Variants in MAN1A1 observed in about 807,000 individuals in gnomAD.
MAN1A1 encodes mannosyl-oligosaccharide 1,2-alpha-mannosidase IA.
In MAN1A1, 29 loss-of-function variants were observed where a neutral mutation model predicts 70.8. The observed-to-expected ratio is 0.41, with a 90% confidence interval of 0.31 to 0.56. The LOEUF (loss-of-function observed/expected upper bound fraction) is 0.56, where lower values mean the gene tolerates loss of function less well. Among genes scored for constraint, MAN1A1 ranks in the 20% least tolerant of loss-of-function variants. MAN1A1 has a pLI of 0.29. For missense variants in MAN1A1, 747 were observed against 841.3 expected, an observed-to-expected ratio of 0.89 and a Z score of 1.39; for synonymous variants, 349 against 330.1, an observed-to-expected ratio of 1.06 and a Z score of -0.62.
At position 119,348,796 on chromosome 6, in the gene MAN1A1, G is replaced by C; in HGVS notation, c.270C>G (p.Pro90=). The C allele has an allele frequency of 2.1e-6, 3 of 1,425,958 alleles. No individual in the cohort carries two copies. In the African/African-American group the frequency reaches 4.4e-5, roughly 21 times the overall value. The allele number at this position is 1,425,958 out of a possible 1,614,324, so 88.3% of individuals were successfully genotyped here. Residue 90 remains proline, a synonymous_variant, in exon 2 of 13, where the codon CCC becomes CCG. Transcript: ENST00000368468. ...LQPAADHKPG[P]GARAEDAAEG... is the part of the protein sequence containing the mutation. ...CGGCCGCGTCCTCGGCGCGCGCCCC[G>C]GGCCCGGGCTTGTGGTCGGCGGCCG... is the stretch of plus-strand genomic sequence containing the variant.
intron 4 of MAN1A1, among the ~76,000 whole-genome samples, chr6:119,297,301 G>C (rs996514159): frequency 2.0e-5 from 3 of 152,154 alleles, no homozygotes; most frequent in African/African-American, 7.2e-5. Context: ...CCTTGCACCT[G>C]AGCTTTTCTT....
At chr6:119,267,102 G>T (rs754828600) in intron 5 of MAN1A1, among the ~76,000 whole-genome samples, 5 of 152,186 alleles carry the variant, frequency 3.3e-5, no homozygotes, top group Admixed American at 6.5e-5. Context: ...TGTTGGTGAG[G>T]GTGTGAAACA....
chr6:119,188,399 C>T lies in MAN1A1; in HGVS notation c.1719+6G>A, dbSNP rs374741617. On this transcript the variant is annotated splice_donor_region_variant and intron_variant, in intron 11 of 12. Coordinates refer to ENST00000368468, the MANE Select transcript of MAN1A1 (RefSeq NM_005907.4). ...TCTATAAGAAACATGCAAATTAAAA[C>T]ATCACCTCTACGGCTTCCCAGGCCC... 6.9e-6 allele frequency: 11 copies of T among 1,587,102 alleles called. No homozygotes were observed. Among genetic ancestry groups the T allele is most frequent in the Middle Eastern group, 1.7e-4 (1 of 5,836 alleles).
intron 2 of MAN1A1, among the ~76,000 whole-genome samples, chr6:119,334,084 CTT>C (rs1283829189): frequency 6.6e-6 from 1 of 152,140 alleles, no homozygotes; most frequent in Non-Finnish European, 1.5e-5. Flanking sequence ...GAATATAACT[CTT>C]TTTTCAATTT....
At chr6:119,188,684 G>C (rs1167775474) in intron 10 of MAN1A1, 107 bp from the exon 11 acceptor site, 1 of 1,035,372 alleles carries the variant, frequency 9.7e-7, no homozygotes, top group African/African-American at 1.6e-5. Flanking sequence ...TATCTATGAG[G>C]GACTGGTTCC....
At chr6:119,192,080 A>C (rs1036555539) in intron 9 of MAN1A1, among the ~76,000 whole-genome samples, 1 of 152,218 alleles carries the variant, frequency 6.6e-6, no homozygotes, top group Non-Finnish European at 1.5e-5. Context: ...ATTTGTCTGA[A>C]TACAATATAC....
At chr6:119,268,868 A>C (rs1362829087) in intron 5 of MAN1A1, among the ~76,000 whole-genome samples, 2 of 152,188 alleles carry the variant, frequency 1.3e-5, no homozygotes, top group East Asian at 3.8e-4. Context: ...GGTGTAAGCC[A>C]ATGTGCCCGG....
At chr6:119,191,141 GT>G (rs1165760149) in intron 9 of MAN1A1, among the ~76,000 whole-genome samples, 1 of 152,160 alleles carries the variant, frequency 6.6e-6, no homozygotes, top group African/African-American at 2.4e-5. Flanking sequence ...ATTAACCGTG[GT>G]TAAGCTAATG....
chr6:119,281,755 G>A (rs1033419253), intron 5 of MAN1A1, among the ~76,000 whole-genome samples: 3 of 151,970 alleles, frequency 2.0e-5, no homozygotes, highest in African/African-American at 2.4e-5. Context: ...AAAATATTTC[G>A]TTAAAAAACA....
intron 6 of MAN1A1, among the ~76,000 whole-genome samples, chr6:119,242,549 A>T (rs1005342911): frequency 4.6e-5 from 7 of 152,164 alleles, no homozygotes; most frequent in Non-Finnish European, 1.0e-4. Context: ...CAAGTTAGTC[A>T]GTTCTAGATA....
At chr6:119,269,599 C>T in intron 5 of MAN1A1, 2 of 181,780 alleles carry the variant, frequency 1.1e-5, no homozygotes. Context: ...AATGTTGATG[C>T]CTTTGCAGTG....
intron 5 of MAN1A1, 113 bp downstream of exon 5, chr6:119,290,570 A>T: frequency 1.4e-6 from 1 of 695,984 alleles, no homozygotes; most frequent in Non-Finnish European, 2.4e-6. Context: ...CTTCATTGAA[A>T]TATAAAAATT....
intron 2 of MAN1A1, among the ~76,000 whole-genome samples, chr6:119,343,304 C>T (rs895004022): frequency 6.6e-6 from 1 of 152,066 alleles, no homozygotes; most frequent in Non-Finnish European, 1.5e-5. Flanking sequence ...GGAGACAATG[C>T]GCAACACTCA....
At chr6:119,259,135 T>G (rs536610563) in intron 5 of MAN1A1, among the ~76,000 whole-genome samples, 7 of 152,336 alleles carry the variant, frequency 4.6e-5, no homozygotes, top group African/African-American at 1.7e-4. Context: ...CTTTCTATAG[T>G]CCTACTGCTT....
chr6:119,183,840 T>C (rs540445544), intron 11 of MAN1A1, among the ~76,000 whole-genome samples: 7 of 152,212 alleles, frequency 4.6e-5, no homozygotes, highest in Admixed American at 3.3e-4. Flanking sequence ...GACCCCCTTA[T>C]CAGTGGCCCC....
At chr6:119,232,223 A>G (rs895955440) in intron 6 of MAN1A1, among the ~76,000 whole-genome samples, 5 of 151,936 alleles carry the variant, frequency 3.3e-5, no homozygotes, top group African/African-American at 1.2e-4. Flanking sequence ...AATGCAAAAA[A>G]TTAGCCGGGC....
chr6:119,233,729 A>C (rs919408610), intron 6 of MAN1A1, among the ~76,000 whole-genome samples: 10 of 152,334 alleles, frequency 6.6e-5, no homozygotes, highest in African/African-American at 2.2e-4. Context: ...TGCTTCTGTG[A>C]AAGGTGACAC....
intron 5 of MAN1A1, among the ~76,000 whole-genome samples, chr6:119,289,783 C>A (rs1309728404): frequency 6.6e-6 from 1 of 152,036 alleles, no homozygotes; most frequent in African/African-American, 2.4e-5. Flanking sequence ...AGCAGCTTTT[C>A]TCATTAAACA....
rs183185860 is a variant in MAN1A1, at chr6:119,267,087, C to T, written c.898-18733G>A. Among the ~76,000 whole-genome samples, 192 of 152,296 alleles carry T rather than the reference C, an allele frequency of 1.3e-3. 1 individual carries two copies. The highest frequency in any genetic ancestry group is 4.5e-3 in the African/African-American group (189 of 41,562). ...GTCAAAATCCAGAACACTAACACCACCAAATGTTGGTGAGGGTGTGAAACA... is the reference window on the plus strand; with the variant it reads ...GTCAAAATCCAGAACACTAACACCATCAAATGTTGGTGAGGGTGTGAAACA... On this transcript the variant is annotated intron_variant, in intron 5 of 12. Coordinates refer to ENST00000368468, the MANE Select transcript of MAN1A1 (RefSeq NM_005907.4).
Sources: gnomAD v4.1 joint callset for allele counts (sites outside exome capture counted in the v4.1 genomes callset) on GRCh38, gnomAD v4.1.1 for gene constraint, MANE v1.5 for transcripts, NCBI Gene and HGNC (gene_info 2026-07-23, HGNC 2026-07-21) for gene names.